The following GNG7 variants were observed in gnomAD, a reference collection of about 807,000 sequenced individuals.
GNG7 encodes guanine nucleotide-binding protein G(I)/G(S)/G(O) subunit gamma-7.
In GNG7, 1 loss-of-function variant was observed where a neutral mutation model predicts 4.0. The ratio of observed to expected loss-of-function variants is 0.25; its 90% CI spans 0.09 to 1.18. The LOEUF is 1.18. Among genes scored for constraint, GNG7 ranks in the 50% most tolerant of loss-of-function variants. GNG7 has a pLI of 0.50. For missense variants in GNG7, 86 were observed against 91.9 expected, an observed-to-expected ratio of 0.94 and a Z score of 0.26; for synonymous variants, 34 against 36.9, an observed-to-expected ratio of 0.92 and a Z score of 0.29.
chr19:2,516,732 G>T (rs954694319), intron 4 of GNG7, among the ~76,000 whole-genome samples: 1 of 152,178 alleles, frequency 6.6e-6, no homozygotes, highest in Non-Finnish European at 1.5e-5. Flanking sequence ...CCGGCCAGGG[G>T]GCTGGGCCCG....
intron 1 of GNG7, among the ~76,000 whole-genome samples, chr19:2,667,443 A>G (rs1983338650): frequency 6.6e-6 from 1 of 152,126 alleles, no homozygotes; most frequent in Non-Finnish European, 1.5e-5. Flanking sequence ...CCTCACCTCT[A>G]TGTGCTCGCC....
intron 2 of GNG7, among the ~76,000 whole-genome samples, chr19:2,556,801 C>T (rs1289341119): frequency 6.6e-6 from 1 of 152,198 alleles, no homozygotes; most frequent in Non-Finnish European, 1.5e-5. Flanking sequence ...GGATTGTTCT[C>T]CGGGGCGGGA....
chr19:2,679,017 C>A (rs1021442532), intron 1 of GNG7, among the ~76,000 whole-genome samples: 4 of 152,110 alleles, frequency 2.6e-5, no homozygotes, highest in African/African-American at 9.7e-5. Flanking sequence ...CCATGGTGTC[C>A]GTGAGGAAAA....
chr19:2,545,336 G>C (rs922937557), intron 3 of GNG7, among the ~76,000 whole-genome samples: 9 of 152,156 alleles, frequency 5.9e-5, no homozygotes, highest in Middle Eastern at 3.4e-3. Flanking sequence ...GGGGACCCTG[G>C]TTTAGACTCT....
At chr19:2,638,226 G>A (rs1327189315) in intron 2 of GNG7, among the ~76,000 whole-genome samples, 1 of 151,110 alleles carries the variant, frequency 6.6e-6, no homozygotes, top group Non-Finnish European at 1.5e-5. Context: ...AGCCGGGCGT[G>A]GTGGCATGCA....
In GNG7 at chr19:2,605,507, CTTTTTTTTTTT is replaced by C. The variant is rs10602276; in HGVS notation, c.-78+40706_-78+40716del. On this transcript the variant is annotated intron_variant, in intron 2 of 4. Coordinates refer to ENST00000382159, the MANE Select transcript of GNG7 (RefSeq NM_052847.3). ...AGCCACCACACCTGGCCAAATCTCACTTTTTTTTTTTTTTTTTTTTTTTTGAGGCAGAGTCT... is the reference window on the plus strand; with the variant it reads ...AGCCACCACACCTGGCCAAATCTCACTTTTTTTTTTTTTGAGGCAGAGTCT... Among the ~76,000 whole-genome samples, 9 of 62,458 alleles carry C rather than the reference CTTTTTTTTTTT, an allele frequency of 1.4e-4. No homozygotes were observed. The South Asian group carries it at 5.2e-3, about 36-fold the overall frequency. The allele number at this position is 62,458 out of a possible 152,430, so 41.0% of individuals were successfully genotyped here. A position where few individuals can be genotyped will look rare whatever the true frequency, so the allele number is the denominator to read the frequency against.
rs1216094830 is a variant in GNG7, at chr19:2,614,135, G to A, written c.-78+32089C>T. ...ACCACATCCTCACCACCCGGTGAAC[G>A]GCACTGGGAGCAGACTCAAGAGGCT... On this transcript the variant is annotated intron_variant, in intron 2 of 4. Transcript: ENST00000382159. The surrounding 1 kb of genome is among the most constrained non-coding windows in gnomAD (Gnocchi z 6.0). Among the ~76,000 whole-genome samples, 2 of 152,228 alleles carry A rather than the reference G, an allele frequency of 1.3e-5. No homozygotes were observed. The highest frequency in any genetic ancestry group is 2.9e-5 in the Non-Finnish European group (2 of 68,036).
chr19:2,535,427 G>A (rs1978705262), intron 3 of GNG7, among the ~76,000 whole-genome samples: 1 of 151,746 alleles, frequency 6.6e-6, no homozygotes, highest in African/African-American at 2.4e-5. Flanking sequence ...TTGAGCCCAG[G>A]AAGTGGAGGT....
At chr19:2,637,738 T>C (rs1356009840) in intron 2 of GNG7, among the ~76,000 whole-genome samples, 3 of 151,744 alleles carry the variant, frequency 2.0e-5, no homozygotes, top group Non-Finnish European at 4.4e-5. Flanking sequence ...CTGGGCACCA[T>C]AGGGTGCTGA....
intron 1 of GNG7, among the ~76,000 whole-genome samples, chr19:2,675,503 A>G (rs1983571704): frequency 1.3e-5 from 2 of 152,220 alleles, no homozygotes; most frequent in South Asian, 4.1e-4. Flanking sequence ...TTAGCAAACC[A>G]GGCTGGTTAA....
chr19:2,541,498 G>T (rs1978960871), intron 3 of GNG7, among the ~76,000 whole-genome samples: 1 of 152,012 alleles, frequency 6.6e-6, no homozygotes, highest in African/African-American at 2.4e-5. Context: ...AGGTTGGGAG[G>T]CCGAGGTGGG....
chr19:2,511,845 C>T lies in GNG7; in HGVS notation c.*3177G>A. ...TATCTGTGCTTGGCCTGGGGTTACCCCTGGGGAGGGTGGGAGAGGGGTGAG... is the reference window on the plus strand; with the variant it reads ...TATCTGTGCTTGGCCTGGGGTTACCTCTGGGGAGGGTGGGAGAGGGGTGAG... On this transcript the variant is annotated 3_prime_UTR_variant, in exon 5 of 5. Coordinates refer to ENST00000382159, the MANE Select transcript of GNG7 (RefSeq NM_052847.3). The surrounding 1 kb of genome is among the most constrained non-coding windows in gnomAD (Gnocchi z 6.3). 2 of 986,130 alleles carry T rather than the reference C, an allele frequency of 2.0e-6. No individual in the cohort carries two copies. Among genetic ancestry groups the T allele is most frequent in the South Asian group, 9.4e-5 (2 of 21,296 alleles). 61.1% of individuals were successfully genotyped at this position (986,130 alleles called of 1,614,324 possible).
At chr19:2,650,183 C>CTTTTT (rs529803793) in intron 1 of GNG7, among the ~76,000 whole-genome samples, 1,491 of 125,922 alleles carry the variant, frequency 0.012, 83 homozygotes, top group African/African-American at 0.045. Context: ...TCATAGGAAT[C>CTTTTT]TTTTTTTTTT....
chr19:2,664,588 G>T (rs796786255), intron 1 of GNG7, among the ~76,000 whole-genome samples: 1 of 152,134 alleles, frequency 6.6e-6, no homozygotes, highest in East Asian at 1.9e-4. Context: ...ACAATCAGAC[G>T]GTTGGCTCTG....
intron 2 of GNG7, among the ~76,000 whole-genome samples, chr19:2,568,547 A>C (rs111211853): frequency 1.2e-3 from 169 of 136,186 alleles, no homozygotes; most frequent in African/African-American, 5.8e-3. Flanking sequence ...ACACATACAC[A>C]TATATATACA....
intron 1 of GNG7, among the ~76,000 whole-genome samples, chr19:2,654,867 C>A (rs1982924865): frequency 6.6e-6 from 1 of 152,168 alleles, no homozygotes; most frequent in Admixed American, 6.5e-5. Context: ...GCATCCCTGG[C>A]CTCCACCCAC....
At chr19:2,676,500 C>T (rs927546748) in intron 1 of GNG7, among the ~76,000 whole-genome samples, 3 of 152,200 alleles carry the variant, frequency 2.0e-5, no homozygotes, top group African/African-American at 4.8e-5. Context: ...GCAACCTCCA[C>T]CGCCTGGCTC....
chr19:2,683,063 T>A (rs1983781886), intron 1 of GNG7, among the ~76,000 whole-genome samples: 1 of 151,878 alleles, frequency 6.6e-6, no homozygotes, highest in Admixed American at 6.6e-5. Context: ...AAACCCCATC[T>A]CTTTAAATTT....
intron 2 of GNG7, among the ~76,000 whole-genome samples, chr19:2,592,532 C>T (rs925968108): frequency 6.6e-6 from 1 of 151,112 alleles, no homozygotes; most frequent in African/African-American, 2.5e-5. Flanking sequence ...CCCAGGAGTT[C>T]ATGACCAGCC....
Sources: allele counts gnomAD v4.1 joint callset (sites outside exome capture counted in the v4.1 genomes callset), GRCh38; gene constraint gnomAD v4.1.1; non-coding constraint Gnocchi (gnomAD v3.1); transcripts MANE v1.5; gene names NCBI Gene and HGNC (gene_info 2026-07-23, HGNC 2026-07-21).